The following TRMT13 variants were observed in gnomAD, a reference collection of about 807,000 sequenced individuals.
TRMT13 encodes tRNA methyltransferase 13.
In TRMT13, 45 loss-of-function variants were observed where a neutral mutation model predicts 55.9. The observed-to-expected ratio is 0.80, with a 90% CI of 0.63 to 1.03. The LOEUF is 1.03. Among genes scored for constraint, TRMT13 ranks in the 50% least tolerant of loss-of-function variants. The pLI, the probability that TRMT13 is intolerant of heterozygous loss-of-function variation, is 0.00. For synonymous variants in TRMT13, 183 were observed against 196.3 expected (o/e 0.93, Z 0.57); for missense variants, 513 against 563.9 (o/e 0.91, Z 0.91).
At chr1:100,139,815 T>A (rs1168669058) in intron 4 of TRMT13, 104 bp downstream of exon 4, 9 of 733,636 alleles carry the variant, frequency 1.2e-5, no homozygotes, top group Non-Finnish European at 1.3e-5. Context: ...TGTTTTTAAT[T>A]TAGAATGCAT....
chr1:100,133,909 C>T lies in TRMT13; in HGVS notation c.147+594C>T, dbSNP rs116175656. The stretch of plus-strand genomic sequence containing the variant: ...AAAAATAAGAAAATCAGCCGTGGCG[C>T]GAGCTACTAAAATTAAGAAAATCGT... On this transcript the variant is annotated intron_variant, in intron 1 of 10. Coordinates refer to ENST00000370141, the MANE Select transcript of TRMT13 (RefSeq NM_019083.3). 3.9e-3 allele frequency among the ~76,000 whole-genome samples: 591 copies of T among 151,784 alleles called. 9 individuals carry two copies. Among genetic ancestry groups the T allele is most frequent in the African/African-American group, 0.014 (564 of 41,360 alleles).
At chr1:100,141,537 G>A (rs1053845582) in intron 7 of TRMT13, among the ~76,000 whole-genome samples, 1 of 152,012 alleles carries the variant, frequency 6.6e-6, no homozygotes, top group African/African-American at 2.4e-5. Flanking sequence ...TCACTTTGTC[G>A]CCCAGGCTGG....
intron 3 of TRMT13, among the ~76,000 whole-genome samples, chr1:100,139,373 C>CTGTAAT (rs1656310946): frequency 6.6e-6 from 1 of 152,198 alleles, no homozygotes; most frequent in Non-Finnish European, 1.5e-5. Flanking sequence ...TTTCTTTAAA[C>CTGTAAT]TGTAAGTGCT....
rs188042750 is a variant in TRMT13, at chr1:100,133,200, C to G, written c.32C>G (p.Pro11Arg). The change falls in exon 1 of 11, where the codon CCT becomes CGT. Residue 11 changes from proline to arginine, a missense_variant. Physicochemically the swap from Pro to Arg is moderately radical, Grantham distance 103. Coordinates refer to ENST00000370141, the MANE Select transcript of TRMT13 (RefSeq NM_019083.3). Reference sequence around the variant, plus strand: ...ACCTCCGCGACGTCGCCGCACGCGCCTGGTTTTCCAGCTGAGGGTAGATGC... The same window carrying G: ...ACCTCCGCGACGTCGCCGCACGCGCGTGGTTTTCCAGCTGAGGGTAGATGC... MATSATSPHAPGFPAEGRCGY... is the reference protein window; with the variant it reads MATSATSPHARGFPAEGRCGY... The G allele has an allele frequency of 1.9e-6, 3 of 1,614,108 alleles. No homozygotes were observed. Among genetic ancestry groups the G allele is most frequent in the Non-Finnish European group, 2.5e-6 (3 of 1,180,020 alleles).
intron 10 of TRMT13, 100 bp downstream of exon 10, chr1:100,148,426 ATAATC>A (rs775387983): frequency 1.1e-4 from 146 of 1,293,552 alleles, no homozygotes; most frequent in Non-Finnish European, 1.5e-4. Flanking sequence ...AATGTATTTT[ATAATC>A]TAATTTTAGA....
chr1:100,145,612 A>G (rs72728140), intron 9 of TRMT13, among the ~76,000 whole-genome samples: 12,137 of 152,272 alleles, frequency 0.08, 667 homozygotes, highest in Middle Eastern at 0.13. Flanking sequence ...GGCCAGGCAC[A>G]GTGGCTTATG....
In TRMT13 at chr1:100,148,770, T is replaced by G; in HGVS notation, c.1396T>G (p.Leu466Val). Residue 466 changes from leucine (L) to valine (V), a missense_variant, in exon 11 of 11, where the codon TTG becomes GTG. By Grantham distance (32) the Leu-to-Val change is conservative (BLOSUM62 1). Transcript: ENST00000370141. Reference protein sequence around the residue: ...TDPLVSLENVLLTALPNHSSS... With the variant: ...TDPLVSLENVVLTALPNHSSS... ...CCCTCTGGTGTCTTTGGAAAATGTT[T>G]TGTTAACTGCTTTACCAAATCATTC... is the stretch of plus-strand genomic sequence containing the variant. 1 of 1,562,222 alleles carries G rather than the reference T, an allele frequency of 6.4e-7. No individual in the cohort carries two copies. The highest frequency in any genetic ancestry group is 1.2e-5 in the South Asian group (1 of 80,366).
intron 1 of TRMT13, among the ~76,000 whole-genome samples, chr1:100,136,567 T>G (rs1655905154): frequency 6.6e-6 from 1 of 152,222 alleles, no homozygotes; most frequent in Non-Finnish European, 1.5e-5. Context: ...TTCTTGGTTG[T>G]GCATAAAATA....
At position 100,139,688 on chromosome 1, in the gene TRMT13, GA is replaced by G; in HGVS notation, c.304del (p.Thr102GlnfsTer7). ...AGATATTAATGCAGGCTTAAGAGAT[GA>G]AACAGAAATACCTGAACAATTAGTA... Reference protein sequence around the residue: ...IQDINAGLRDETEIPEQLVPI... With the variant: ...IQDINAGLRDXTEIPEQLVPI... On this transcript the variant is annotated frameshift_variant, in exon 4 of 11. Coordinates refer to ENST00000370141, the MANE Select transcript of TRMT13 (RefSeq NM_019083.3). LOFTEE classifies it high-confidence loss of function. The G allele has an allele frequency of 1.3e-6, 2 of 1,538,544 alleles. No homozygotes were observed. The highest frequency in any genetic ancestry group is 1.8e-6 in the Non-Finnish European group (2 of 1,115,350).
chr1:100,138,838 G>A (rs1276487030), intron 3 of TRMT13, among the ~76,000 whole-genome samples: 2 of 152,184 alleles, frequency 1.3e-5, no homozygotes, highest in East Asian at 3.8e-4. Context: ...CTGCCATATT[G>A]GCCAGAGCAG....
chr1:100,148,314 ATTGT>A lies in TRMT13; in HGVS notation c.1242_1245del (p.Pro416GlyfsTer11), dbSNP rs1557917012. On this transcript the variant is annotated frameshift_variant, in exon 10 of 11. Transcript: ENST00000370141. LOFTEE classifies it high-confidence loss of function. ...TACAGAATCACAGATGATGGCGCTG[ATTGT>A]TTGCCTGGGTAAGAGACTACTTTTG... is the stretch of plus-strand genomic sequence containing the variant. The A allele has an allele frequency of 4.3e-6, 7 of 1,612,678 alleles. No individual in the cohort carries two copies. The South Asian group carries it at 4.4e-5, about 10-fold the overall frequency.
At chr1:100,144,836 C>G in intron 9 of TRMT13, among the ~76,000 whole-genome samples, 1 of 152,176 alleles carries the variant, frequency 6.6e-6, no homozygotes, top group East Asian at 1.9e-4. Flanking sequence ...CATCATCTTC[C>G]TAACTTTTGC....
Position 100,148,696 on chromosome 1 carries a change from A to G in TRMT13, c.1322A>G (p.Gln441Arg). ...TTGCTGATTGACCAAGGTCGAATCC[A>G]GTATTTGCAGCAGAAGGGATTCAGT... Reference protein sequence around the residue: ...CKLLIDQGRIQYLQQKGFSPA... With the variant: ...CKLLIDQGRIRYLQQKGFSPA... Residue 441 changes from glutamine to arginine, a missense_variant, in exon 11 of 11, where the codon CAG becomes CGG. Transcript: ENST00000370141. The G allele has an allele frequency of 6.2e-7, 1 of 1,613,388 alleles. No homozygotes were observed. Among genetic ancestry groups the G allele is most frequent in the South Asian group, 1.1e-5 (1 of 90,904 alleles).
chr1:100,134,701 G>A (rs765154296), intron 1 of TRMT13, among the ~76,000 whole-genome samples: 6 of 152,184 alleles, frequency 3.9e-5, no homozygotes, highest in Non-Finnish European at 7.3e-5. Flanking sequence ...ATAGGAGAAG[G>A]ATTTAGACTC....
Position 100,133,180 on chromosome 1 carries a change from C to T in TRMT13, c.12C>T (p.Ser4=), listed in dbSNP as rs768063485. The change falls in exon 1 of 11, where the codon TCC becomes TCT. Residue 4 remains serine, a synonymous_variant. Coordinates refer to ENST00000370141, the MANE Select transcript of TRMT13 (RefSeq NM_019083.3). ...CGAGCCCTAGAATTATGGCGACCTCCGCGACGTCGCCGCACGCGCCTGGTT... is the reference window on the plus strand; with the variant it reads ...CGAGCCCTAGAATTATGGCGACCTCTGCGACGTCGCCGCACGCGCCTGGTT... MAT[S]ATSPHAPGFP... is the part of the protein sequence containing the mutation. The T allele has an allele frequency of 1.2e-6, 2 of 1,614,188 alleles. No individual in the cohort carries two copies.
chr1:100,134,234 TTTA>T (rs1416791668), intron 1 of TRMT13, among the ~76,000 whole-genome samples: 1 of 152,008 alleles, frequency 6.6e-6, no homozygotes, highest in African/African-American at 2.4e-5. Context: ...TATCAAACAC[TTTA>T]TATTTGTATA....
intron 3 of TRMT13, among the ~76,000 whole-genome samples, chr1:100,137,357 G>C (rs1306123851): frequency 1.3e-5 from 2 of 151,964 alleles, no homozygotes; most frequent in Admixed American, 1.3e-4. Flanking sequence ...CACCACACCT[G>C]GCTTATTTTT....
chr1:100,140,546 G>C (rs1656478453), intron 6 of TRMT13, 32 bp downstream of exon 6: 2 of 1,434,350 alleles, frequency 1.4e-6, no homozygotes, highest in African/African-American at 1.4e-5. Context: ...TACTAAACAT[G>C]GCCTTTGTTC....
At chr1:100,139,588 A>C in intron 3 of TRMT13, 61 bp from the exon 4 acceptor site, 1 of 981,880 alleles carries the variant, frequency 1.0e-6, no homozygotes, top group South Asian at 1.4e-5. Flanking sequence ...TCAGTATTTT[A>C]GTTTAATTTT....
Sources: allele counts gnomAD v4.1 joint callset (sites outside exome capture counted in the v4.1 genomes callset), GRCh38; gene constraint gnomAD v4.1.1; transcripts MANE v1.5; gene names NCBI Gene and HGNC (gene_info 2026-07-23, HGNC 2026-07-21).